FBXL7: variants seen among roughly 807,000 people sequenced by gnomAD.
FBXL7 encodes the protein F-box and leucine rich repeat protein 7, also known as F-box/LRR-repeat protein 7.
In FBXL7, 12 loss-of-function variants were observed where a neutral mutation model predicts 38.3. That is an observed-to-expected ratio of 0.31 (90% CI 0.20 to 0.51). The LOEUF is 0.51. FBXL7 is among the 20% of genes least tolerant of loss of function. The pLI, the probability that FBXL7 is intolerant of heterozygous loss-of-function variation, is 0.98. For missense variants in FBXL7, 567 were observed against 676.4 expected, an observed-to-expected ratio of 0.84 and a Z score of 1.79; for synonymous variants, 297 against 300.9, an observed-to-expected ratio of 0.99 and a Z score of 0.13.
intron 2 of FBXL7, among the ~76,000 whole-genome samples, chr5:15,746,351 G>A (rs1282720962): frequency 6.6e-6 from 1 of 152,168 alleles, no homozygotes; most frequent in Non-Finnish European, 1.5e-5. Flanking sequence ...TACAAAGTTG[G>A]ATGCTGGCTA....
At chr5:15,767,420 G>A (rs546544573) in intron 2 of FBXL7, among the ~76,000 whole-genome samples, 30 of 152,274 alleles carry the variant, frequency 2.0e-4, no homozygotes, top group African/African-American at 7.0e-4. Flanking sequence ...CCTGTCTGCA[G>A]GAGGCATAGT....
rs1417662469 is a variant in FBXL7 at position 15,694,749 on chromosome 5, T to C, written c.127+78677T>C. On this transcript the variant is annotated intron_variant, in intron 2 of 3. Transcript: ENST00000504595. ...ACGTGCTTCAGCTAAGCCTGGAATATACATTTTTAAGGCAGGAGCTGGGGA... is the reference window on the plus strand; with the variant it reads ...ACGTGCTTCAGCTAAGCCTGGAATACACATTTTTAAGGCAGGAGCTGGGGA... Among the ~76,000 whole-genome samples, 3 of 152,116 alleles carry C rather than the reference T, an allele frequency of 2.0e-5. No individual in the cohort carries two copies. The East Asian group carries it at 5.8e-4, about 29-fold the overall frequency.
chr5:15,801,933 T>C (rs570525268), intron 2 of FBXL7, among the ~76,000 whole-genome samples: 86 of 152,172 alleles, frequency 5.7e-4, no homozygotes, highest in African/African-American at 2.0e-3. Context: ...ATCGATGAAA[T>C]TCAAGAGATG....
intron 1 of FBXL7, chr5:15,602,109 T>C (rs955898893): frequency 7.2e-5 from 11 of 152,146 alleles, no homozygotes; most frequent in African/African-American, 2.7e-4. Context: ...GACAGAGGCA[T>C]GGATCAGAGT....
chr5:15,880,242 A>C (rs1197386387), intron 2 of FBXL7, among the ~76,000 whole-genome samples: 2 of 152,094 alleles, frequency 1.3e-5, no homozygotes, highest in Non-Finnish European at 2.9e-5. Flanking sequence ...CATTCTAAGT[A>C]TGAGTGTGTC....
At chr5:15,567,739 C>A (rs1224905757) in intron 1 of FBXL7, among the ~76,000 whole-genome samples, 1 of 151,750 alleles carries the variant, frequency 6.6e-6, no homozygotes, top group Non-Finnish European at 1.5e-5. Flanking sequence ...AATGCTATCC[C>A]TCCCCCCTCA....
chr5:15,798,050 C>T (rs895637343), intron 2 of FBXL7, among the ~76,000 whole-genome samples: 9 of 152,178 alleles, frequency 5.9e-5, no homozygotes, highest in East Asian at 3.9e-4. Flanking sequence ...AAAATGTGAA[C>T]GTGGAGAGGG....
At chr5:15,626,546 G>C (rs577384466) in intron 2 of FBXL7, among the ~76,000 whole-genome samples, 448 of 138,438 alleles carry the variant, frequency 3.2e-3, no homozygotes, top group Non-Finnish European at 2.2e-3. Context: ...TTCGTTTCCT[G>C]TGTGTGTGTG....
intron 1 of FBXL7, among the ~76,000 whole-genome samples, chr5:15,555,971 TATC>T (rs1230283377): frequency 7.1e-5 from 9 of 127,436 alleles, no homozygotes; most frequent in African/African-American, 1.4e-4. Flanking sequence ...GTCATCTGTC[TATC>T]ATCTATCTAT....
Position 15,938,960 on chromosome 5 carries a change from C to A in FBXL7, c.*1774C>A. 1 of 398,986 alleles carries A rather than the reference C, an allele frequency of 2.5e-6. No homozygotes were observed. The highest frequency in any genetic ancestry group is 1.3e-4 in the South Asian group (1 of 7,848). The allele number at this position is 398,986 out of a possible 1,614,324, so 24.7% of individuals were successfully genotyped here. On this transcript the variant is annotated 3_prime_UTR_variant, in exon 4 of 4. Coordinates refer to ENST00000504595, the MANE Select transcript of FBXL7 (RefSeq NM_012304.5). ...TTTTCTTCTCAAAATGCCCATTATC[C>A]AAATGCAGAACCTCTGCATCTCCAA...
At chr5:15,584,331 C>T (rs926546487) in intron 1 of FBXL7, among the ~76,000 whole-genome samples, 4 of 152,128 alleles carry the variant, frequency 2.6e-5, no homozygotes, top group Non-Finnish European at 5.9e-5. Context: ...TCTTTTCTAC[C>T]ACATGGCCAG....
At chr5:15,624,231 T>C (rs368120191) in intron 2 of FBXL7, among the ~76,000 whole-genome samples, 13 of 152,328 alleles carry the variant, frequency 8.5e-5, no homozygotes, top group East Asian at 3.9e-4. Flanking sequence ...TGTTGAAATT[T>C]GGCCCCCAAT....
chr5:15,503,353 G>C (rs755487512), intron 1 of FBXL7, among the ~76,000 whole-genome samples: 24 of 152,116 alleles, frequency 1.6e-4, no homozygotes, highest in Non-Finnish European at 1.2e-4. Flanking sequence ...CCTGGGAGGC[G>C]GAGGTTGCAG....
intron 2 of FBXL7, among the ~76,000 whole-genome samples, chr5:15,849,648 C>T (rs1258626077): frequency 6.6e-6 from 1 of 152,168 alleles, no homozygotes; most frequent in Non-Finnish European, 1.5e-5. Flanking sequence ...TCCACTAAAC[C>T]TCTTTTTCTT....
intron 2 of FBXL7, among the ~76,000 whole-genome samples, chr5:15,856,229 T>A (rs1739267498): frequency 6.6e-6 from 1 of 152,050 alleles, no homozygotes; most frequent in African/African-American, 2.4e-5. Context: ...TGAGACTTAT[T>A]CACTATCACA....
chr5:15,539,998 C>T (rs80336526), intron 1 of FBXL7, among the ~76,000 whole-genome samples: 1,861 of 151,958 alleles, frequency 0.012, 45 homozygotes, highest in African/African-American at 0.043. Flanking sequence ...CATGTAAAGA[C>T]GTAAAATAAG....
At chr5:15,781,846 T>C (rs981062148) in intron 2 of FBXL7, among the ~76,000 whole-genome samples, 2 of 152,100 alleles carry the variant, frequency 1.3e-5, no homozygotes, top group African/African-American at 4.8e-5. Flanking sequence ...TTAAAAAATA[T>C]ATACTTTAAG....
chr5:15,861,732 G>T (rs1273187074), intron 2 of FBXL7, among the ~76,000 whole-genome samples: 3 of 152,162 alleles, frequency 2.0e-5, no homozygotes, highest in Non-Finnish European at 4.4e-5. Flanking sequence ...CTGAAGTCGT[G>T]GGGTGTTGAC....
intron 1 of FBXL7, among the ~76,000 whole-genome samples, chr5:15,539,547 A>T (rs1297893682): frequency 2.0e-5 from 3 of 151,974 alleles, no homozygotes; most frequent in African/African-American, 7.3e-5. Context: ...GCTTCTATTG[A>T]TGAGGGAGGC....
Sources: gnomAD v4.1 joint callset for allele counts (sites outside exome capture counted in the v4.1 genomes callset) on GRCh38, gnomAD v4.1.1 for gene constraint, MANE v1.5 for transcripts, NCBI Gene and HGNC (gene_info 2026-07-23, HGNC 2026-07-21) for gene names.